HCLS1: variants seen among roughly 807,000 people sequenced by gnomAD.
The protein encoded by HCLS1 is hematopoietic cell-specific Lyn substrate 1.
Under a neutral mutation model 68.6 loss-of-function variants are expected in HCLS1, and 44 were observed. The observed-to-expected ratio is 0.64, with a 90% CI of 0.50 to 0.82. The LOEUF is 0.82. Among genes scored for constraint, HCLS1 ranks in the 40% least tolerant of loss-of-function variants. The pLI is 0.00. For missense variants in HCLS1, 602 were observed against 612.1 expected, an observed-to-expected ratio of 0.98 and a Z score of 0.17; for synonymous variants, 217 against 225.8, an observed-to-expected ratio of 0.96 and a Z score of 0.35.
intron 3 of HCLS1, chr3:121,656,014 A>G (rs976386010): frequency 6.6e-6 from 1 of 151,536 alleles, no homozygotes; most frequent in African/African-American, 2.4e-5. Flanking sequence ...ACGCCCATCT[A>G]ATTTTTGTAT....
intron 4 of HCLS1, 49 bp downstream of exon 4, chr3:121,647,270 C>G (rs373038271): frequency 2.5e-6 from 4 of 1,600,806 alleles, no homozygotes; most frequent in South Asian, 1.1e-5. Context: ...CGTGAGCCAC[C>G]GCACCCGGCT....
Position 121,643,061 on chromosome 3 carries a change from C to G in HCLS1, c.400-80G>C, listed in dbSNP as rs2049216324. The G allele has an allele frequency of 2.6e-6, 3 of 1,153,518 alleles. No individual in the cohort carries two copies. The African/African-American group carries it at 4.5e-5, about 17-fold the overall frequency. The allele number at this position is 1,153,518 out of a possible 1,614,324, so 71.5% of individuals were successfully genotyped here. A position where few individuals can be genotyped will look rare whatever the true frequency, so the allele number is the denominator to read the frequency against. ...TTCCTAACCTCCCCTTACTCCCAGC[C>G]AGCCCCAGAGGTAGTTTGTAGGGGC... On this transcript the variant is annotated intron_variant, in intron 5 of 13. Transcript: ENST00000314583.
chr3:121,647,091 C>T (rs947171716), intron 4 of HCLS1, among the ~76,000 whole-genome samples: 10 of 148,682 alleles, frequency 6.7e-5, no homozygotes, highest in African/African-American at 2.4e-4. Flanking sequence ...ACGCCATTCT[C>T]CTGCCTCAGC....
chr3:121,638,625 C>T (rs2049170658), intron 6 of HCLS1, among the ~76,000 whole-genome samples: 1 of 152,142 alleles, frequency 6.6e-6, no homozygotes, highest in African/African-American at 2.4e-5. Flanking sequence ...AATGCAAATA[C>T]ACATTTTTTT....
intron 10 of HCLS1, 28 bp from the exon 11 acceptor site, chr3:121,633,199 A>G: frequency 7.0e-7 from 1 of 1,427,242 alleles, no homozygotes; most frequent in Non-Finnish European, 9.6e-7. Context: ...TCTCTCAAGT[A>G]AGCAAGCCTC....
intron 3 of HCLS1, 32 bp downstream of exon 3, chr3:121,657,247 C>G (rs772704569): frequency 1.9e-6 from 3 of 1,594,858 alleles, no homozygotes; most frequent in South Asian, 1.1e-5. Context: ...CCCATAACCC[C>G]CTTCCTTTTC....
chr3:121,658,491 C>T, intron 1 of HCLS1, 144 bp from the exon 2 acceptor site: 1 of 650,608 alleles, frequency 1.5e-6, no homozygotes, highest in South Asian at 1.9e-5. Context: ...TGAAGCAAAG[C>T]AAATGGGAGT....
rs372788622 is a variant in HCLS1 at position 121,633,039 on chromosome 3, G to A, written c.1008+28C>T. 27 of 1,461,854 alleles carry A rather than the reference G, an allele frequency of 1.8e-5. No individual in the cohort carries two copies. In the South Asian group the frequency reaches 2.8e-4, roughly 15 times the overall value. 90.6% of individuals were successfully genotyped at this position (1,461,854 alleles called of 1,614,324 possible). A position where few individuals can be genotyped will look rare whatever the true frequency, so the allele number is the denominator to read the frequency against. On this transcript the variant is annotated intron_variant, in intron 11 of 13. Coordinates refer to ENST00000314583, the MANE Select transcript of HCLS1 (RefSeq NM_005335.6). Reference sequence around the variant, plus strand: ...CTAAGACTCGAGAAGATGGGGTGGGGGCAGAGAATCTTTGGGGGTTTGCTT... The same window carrying A: ...CTAAGACTCGAGAAGATGGGGTGGGAGCAGAGAATCTTTGGGGGTTTGCTT...
chr3:121,645,014 G>T, intron 4 of HCLS1, 86 bp from the exon 5 acceptor site: 1 of 1,023,176 alleles, frequency 9.8e-7, no homozygotes, highest in Non-Finnish European at 1.5e-6. Flanking sequence ...ATGTAGGCAT[G>T]TAAGAAATTC....
chr3:121,647,500 C>A (rs1034438664), intron 3 of HCLS1, 52 bp from the exon 4 acceptor site: 1 of 1,598,204 alleles, frequency 6.3e-7, no homozygotes, highest in African/African-American at 1.3e-5. Flanking sequence ...GATCAAGAAA[C>A]CCATCTTCCC....
intron 3 of HCLS1, chr3:121,654,065 A>C (rs1937809689): frequency 6.6e-6 from 1 of 152,252 alleles, no homozygotes; most frequent in Admixed American, 6.5e-5. Context: ...ACTACTGATC[A>C]GCACTGGAGT....
intron 2 of HCLS1, 48 bp from the exon 3 acceptor site, chr3:121,657,400 C>G: frequency 6.3e-7 from 1 of 1,576,396 alleles, no homozygotes; most frequent in Non-Finnish European, 8.7e-7. Flanking sequence ...AAATGTGCCA[C>G]ATTGAGAAGG....
intron 3 of HCLS1, among the ~76,000 whole-genome samples, chr3:121,652,428 C>T (rs1384234041): frequency 6.6e-6 from 1 of 152,046 alleles, no homozygotes; most frequent in African/African-American, 2.4e-5. Context: ...CCGAGGCAGG[C>T]GGATCACTTG....
chr3:121,646,455 T>TATATATGATATATA (rs1937607387), intron 4 of HCLS1, among the ~76,000 whole-genome samples: 1 of 102,852 alleles, frequency 9.7e-6, no homozygotes, highest in Non-Finnish European at 1.7e-5. Context: ...GATTATATAT[T>TATATATGATATATA]ATATATGATA....
At chr3:121,639,025 GCACACA>G (rs368121558) in intron 6 of HCLS1, among the ~76,000 whole-genome samples, 1,485 of 137,026 alleles carry the variant, frequency 0.011, 17 homozygotes, top group African/African-American at 0.031. Flanking sequence ...ACACACACAC[GCACACA>G]CACACACACA....
chr3:121,651,092 G>T (rs1485219316), intron 3 of HCLS1, among the ~76,000 whole-genome samples: 4 of 152,124 alleles, frequency 2.6e-5, no homozygotes, highest in Admixed American at 2.6e-4. Flanking sequence ...CTGAGATCAT[G>T]TCACTGCACT....
At position 121,631,905 on chromosome 3, in the gene HCLS1, C is replaced by G. The variant is rs1306576458; in HGVS notation, c.1402G>C (p.Gly468Arg). 3.1e-6 allele frequency: 5 copies of G among 1,614,148 alleles called. No homozygotes were observed. The highest frequency in any genetic ancestry group is 4.2e-6 in the Non-Finnish European group (5 of 1,180,016). The change falls in exon 14 of 14, where the codon GGA becomes CGA. Residue 468 changes from glycine to arginine, a missense_variant. Coordinates refer to ENST00000314583, the MANE Select transcript of HCLS1 (RefSeq NM_005335.6). ...AGTCCAAAGTGGCCATGGCAACGTCCCCGCCACCAGCCCTCGTCCACCATC... is the reference window on the plus strand; with the variant it reads ...AGTCCAAAGTGGCCATGGCAACGTCGCCGCCACCAGCCCTCGTCCACCATC... ...IEMVDEGWWR[G>R]RCHGHFGLFP...
At position 121,636,504 on chromosome 3, in the gene HCLS1, G is replaced by T; in HGVS notation, c.566-15C>A. ...CTTGGCATAATCTGCAGGACAGAAA[G>T]TTCTGAGTTATAGGAGATCAAAATG... On this transcript the variant is annotated splice_polypyrimidine_tract_variant and intron_variant, in intron 7 of 13. Transcript: ENST00000314583. 2 of 1,610,328 alleles carry T rather than the reference G, an allele frequency of 1.2e-6. No individual in the cohort carries two copies. The highest frequency in any genetic ancestry group is 1.7e-6 in the Non-Finnish European group (2 of 1,176,560).
intron 9 of HCLS1, 138 bp from the exon 10 acceptor site, chr3:121,634,556 A>G (rs574736108): frequency 1.3e-6 from 1 of 779,436 alleles, no homozygotes; most frequent in Admixed American, 2.3e-5. Context: ...AGAGGTATCG[A>G]TAGAGGAACA....
Sources: gnomAD v4.1 joint callset for allele counts (sites outside exome capture counted in the v4.1 genomes callset) on GRCh38, gnomAD v4.1.1 for gene constraint, MANE v1.5 for transcripts, NCBI Gene and HGNC (gene_info 2026-07-23, HGNC 2026-07-21) for gene names.